Variants in BTBD10 observed in about 807,000 individuals in gnomAD.
The protein encoded by BTBD10 is BTB domain containing 10.
Under a neutral mutation model 53.2 loss-of-function variants are expected in BTBD10, and 21 were observed. The ratio of observed to expected loss-of-function variants is 0.39; its 90% CI spans 0.28 to 0.57. The LOEUF is 0.57. Among genes scored for constraint, BTBD10 ranks in the 20% least tolerant of loss-of-function variants. The pLI is 0.53. For missense variants in BTBD10, 360 were observed against 594.7 expected (o/e 0.61, Z 4.10); for synonymous variants, 149 against 192.7 (o/e 0.77, Z 1.88).
intron 8 of BTBD10, among the ~76,000 whole-genome samples, chr11:13,399,689 T>TG (rs1949660443): frequency 6.6e-6 from 1 of 152,208 alleles, no homozygotes; most frequent in African/African-American, 2.4e-5. Context: ...TATCTACCTT[T>TG]GGTCTTTGAT....
chr11:13,398,504 A>G (rs961355355), intron 8 of BTBD10, among the ~76,000 whole-genome samples: 1 of 152,178 alleles, frequency 6.6e-6, no homozygotes, highest in African/African-American at 2.4e-5. Flanking sequence ...CCAATTTGCC[A>G]GTCTGTGTCT....
At chr11:13,405,044 T>C (rs570693603) in intron 7 of BTBD10, among the ~76,000 whole-genome samples, 2 of 152,190 alleles carry the variant, frequency 1.3e-5, no homozygotes, top group African/African-American at 2.4e-5. Context: ...GAAATACTAA[T>C]ATTGGGCTCA....
intron 6 of BTBD10, among the ~76,000 whole-genome samples, chr11:13,410,673 T>C (rs1002037430): frequency 2.6e-5 from 4 of 152,200 alleles, no homozygotes; most frequent in Admixed American, 2.0e-4. Context: ...GAGGCATATA[T>C]TAGGATCAAC....
chr11:13,455,693 T>C (rs1414959289), intron 1 of BTBD10, among the ~76,000 whole-genome samples: 1 of 152,224 alleles, frequency 6.6e-6, no homozygotes, highest in Non-Finnish European at 1.5e-5. Flanking sequence ...TATCAATTAA[T>C]ACAGGCAATG....
chr11:13,410,691 T>C (rs1286546144), intron 6 of BTBD10, among the ~76,000 whole-genome samples: 4 of 152,190 alleles, frequency 2.6e-5, no homozygotes, highest in Non-Finnish European at 5.9e-5. Context: ...AACTAAAAAA[T>C]TATTAGAAAC....
chr11:13,428,571 A>C (rs941104582), intron 2 of BTBD10, among the ~76,000 whole-genome samples: 1 of 152,176 alleles, frequency 6.6e-6, no homozygotes. Context: ...GAACTAAAAG[A>C]AAGTGGAAAA....
chr11:13,440,052 GA>G (rs745788546), intron 2 of BTBD10: 1 of 1,530,610 alleles, frequency 6.5e-7, no homozygotes, highest in South Asian at 1.2e-5. Flanking sequence ...TCATCTTCAA[GA>G]TTCCTCTGAA....
chr11:13,461,530 T>TAG (rs930911030), intron 1 of BTBD10, among the ~76,000 whole-genome samples: 5 of 152,154 alleles, frequency 3.3e-5, no homozygotes, highest in Non-Finnish European at 5.9e-5. Flanking sequence ...CTTCCATACT[T>TAG]CCCTAAGTCA....
intron 1 of BTBD10, among the ~76,000 whole-genome samples, chr11:13,457,748 T>C (rs954172046): frequency 1.3e-4 from 20 of 152,170 alleles, no homozygotes; most frequent in African/African-American, 4.1e-4. Context: ...ATGACTTACA[T>C]ACTCCAAATA....
intron 8 of BTBD10, among the ~76,000 whole-genome samples, chr11:13,393,533 C>T (rs1297350824): frequency 6.6e-6 from 1 of 151,890 alleles, no homozygotes; most frequent in Non-Finnish European, 1.5e-5. Flanking sequence ...TATGACTATT[C>T]TACTTATTTT....
intron 2 of BTBD10, among the ~76,000 whole-genome samples, chr11:13,432,389 A>G (rs1041791210): frequency 6.6e-6 from 1 of 152,182 alleles, no homozygotes; most frequent in Non-Finnish European, 1.5e-5. Context: ...AGAAAGGTCA[A>G]TAATTTAGTT....
At chr11:13,458,651 G>A (rs1951023773) in intron 1 of BTBD10, among the ~76,000 whole-genome samples, 2 of 152,166 alleles carry the variant, frequency 1.3e-5, no homozygotes, top group Non-Finnish European at 1.5e-5. Flanking sequence ...GTTACTTTCA[G>A]TATTATGGTT....
At chr11:13,450,921 C>T (rs1950844464) in intron 1 of BTBD10, among the ~76,000 whole-genome samples, 1 of 152,174 alleles carries the variant, frequency 6.6e-6, no homozygotes, top group African/African-American at 2.4e-5. Context: ...TCTTGAAAAA[C>T]TACAACTAGA....
chr11:13,422,512 G>A (rs1950263806), intron 2 of BTBD10, among the ~76,000 whole-genome samples: 1 of 152,042 alleles, frequency 6.6e-6, no homozygotes, highest in Non-Finnish European at 1.5e-5. Flanking sequence ...GCTGGGTGTG[G>A]TGGCACACAC....
intron 2 of BTBD10, among the ~76,000 whole-genome samples, chr11:13,435,261 T>A: frequency 6.6e-6 from 1 of 152,320 alleles, no homozygotes; most frequent in African/African-American, 2.4e-5. Flanking sequence ...ATCTACTGAA[T>A]AGTCATTCAT....
intron 2 of BTBD10, chr11:13,440,074 A>G: frequency 6.5e-7 from 1 of 1,527,438 alleles, no homozygotes; most frequent in Middle Eastern, 1.7e-4. Flanking sequence ...CAATCAGAAA[A>G]TTCCCCAGTC....
chr11:13,440,713 T>A (rs952908302), intron 2 of BTBD10, among the ~76,000 whole-genome samples: 18 of 152,178 alleles, frequency 1.2e-4, no homozygotes, highest in Non-Finnish European at 2.5e-4. Flanking sequence ...GAATGAAACC[T>A]TGCGGCATAG....
At chr11:13,459,332 A>C (rs1012583564) in intron 1 of BTBD10, among the ~76,000 whole-genome samples, 1 of 152,126 alleles carries the variant, frequency 6.6e-6, no homozygotes, top group Non-Finnish European at 1.5e-5. Flanking sequence ...TGCTGGGATT[A>C]CAGGCGTGAG....
At chr11:13,447,818 G>GT (rs1025944195) in intron 1 of BTBD10, among the ~76,000 whole-genome samples, 1 of 152,086 alleles carries the variant, frequency 6.6e-6, no homozygotes, top group Non-Finnish European at 1.5e-5. Context: ...TAGTCATAGG[G>GT]TTACAAGCAC....
Sources: gnomAD v4.1 joint callset for allele counts (sites outside exome capture counted in the v4.1 genomes callset) on GRCh38, gnomAD v4.1.1 for gene constraint, MANE v1.5 for transcripts, NCBI Gene and HGNC (gene_info 2026-07-23, HGNC 2026-07-21) for gene names.